The following UBAP2 variants were observed in gnomAD, a reference collection of about 807,000 sequenced individuals.
UBAP2 encodes ubiquitin associated protein 2.
In UBAP2, 75 loss-of-function variants were observed where a neutral mutation model predicts 139.6. The observed-to-expected ratio is 0.54, with a 90% CI of 0.45 to 0.65. The LOEUF (loss-of-function observed/expected upper bound fraction) is 0.65, where lower values mean the gene tolerates loss of function less well. Ranked by LOEUF, UBAP2 falls within the 30% of genes least tolerant of loss-of-function variation. UBAP2 has a pLI of 0.00. For missense variants in UBAP2, 1,368 were observed against 1,369.6 expected (o/e 1.00, Z 0.02); for synonymous variants, 526 against 526.2 (o/e 1.00, Z 0.01).
Position 33,992,556 on chromosome 9 carries a change from A to G in UBAP2, c.289-3430T>C, listed in dbSNP as rs536017583. Among the ~76,000 whole-genome samples, 6 of 149,546 alleles carry G rather than the reference A, an allele frequency of 4.0e-5. No individual in the cohort carries two copies. In the East Asian group the frequency reaches 9.9e-4, roughly 25 times the overall value. ...GCCTGGGTGACAGCGCAAGACTCCC[A>G]TCTCAAAAAAATAAAAATAAAAAAA... is the stretch of plus-strand genomic sequence containing the variant. On this transcript the variant is annotated intron_variant, in intron 4 of 28. Transcript: ENST00000379238.
At chr9:33,975,570 G>A (rs1482397447) in intron 6 of UBAP2, among the ~76,000 whole-genome samples, 9 of 150,730 alleles carry the variant, frequency 6.0e-5, no homozygotes, top group South Asian at 2.1e-4. Flanking sequence ...AGGCCGAGAC[G>A]GACGGATCAC....
intron 13 of UBAP2, among the ~76,000 whole-genome samples, chr9:33,947,587 C>T (rs1825742975): frequency 6.6e-6 from 1 of 151,968 alleles, no homozygotes; most frequent in Non-Finnish European, 1.5e-5. Flanking sequence ...TTTTGGAGGC[C>T]GAGGTGGGCA....
In UBAP2 at chr9:33,923,247, T is replaced by C. The variant is rs1159293148; in HGVS notation, c.2943A>G (p.Lys981=). 1 of 1,614,092 alleles carries C rather than the reference T, an allele frequency of 6.2e-7. No homozygotes were observed. Among genetic ancestry groups the C allele is most frequent in the East Asian group, 2.2e-5 (1 of 44,888 alleles). ...TQGTAAGDYS[K]GGYAGSSQAP... is the part of the protein sequence containing the mutation. ...CCTGCGATGATCCAGCATAGCCACC[T>C]TTGGAGTAGTCTCCTGCTGCTGTCC... Residue 981 remains lysine, a synonymous_variant, in exon 26 of 29, where the codon AAA becomes AAG. Coordinates refer to ENST00000379238, the MANE Select transcript of UBAP2 (RefSeq NM_001370062.2).
intron 5 of UBAP2, among the ~76,000 whole-genome samples, chr9:33,987,888 T>C (rs1372660827): frequency 6.6e-6 from 1 of 152,172 alleles, no homozygotes; most frequent in Non-Finnish European, 1.5e-5. Flanking sequence ...AGTTGGGTTT[T>C]TCTAGGATAC....
chr9:34,016,331 A>G (rs1824312461), intron 2 of UBAP2, among the ~76,000 whole-genome samples: 1 of 101,428 alleles, frequency 9.9e-6, no homozygotes, highest in African/African-American at 3.9e-5. Context: ...GAGGAAGAGG[A>G]GGAGGAGGAA....
chr9:34,009,806 C>CT (rs201452836), intron 2 of UBAP2, among the ~76,000 whole-genome samples: 12,710 of 129,782 alleles, frequency 0.098, 831 homozygotes, highest in Non-Finnish European at 0.14. Context: ...CTTATATTTC[C>CT]TTTTTTTTTT....
At chr9:34,020,921 C>T (rs1052149677) in intron 1 of UBAP2, among the ~76,000 whole-genome samples, 1 of 152,108 alleles carries the variant, frequency 6.6e-6, no homozygotes, top group African/African-American at 2.4e-5. Flanking sequence ...CTCGGCCTCC[C>T]AAAGTGGTGG....
intron 6 of UBAP2, among the ~76,000 whole-genome samples, chr9:33,979,211 A>C (rs967362047): frequency 6.6e-6 from 1 of 152,134 alleles, no homozygotes; most frequent in Non-Finnish European, 1.5e-5. Flanking sequence ...GTACTCCAGG[A>C]TGGGTAACAG....
At chr9:33,931,522 AG>A (rs1247679916) in intron 19 of UBAP2, among the ~76,000 whole-genome samples, 1 of 152,196 alleles carries the variant, frequency 6.6e-6, no homozygotes, top group Non-Finnish European at 1.5e-5. Context: ...TGCTGAGGTC[AG>A]CTCACCACTC....
At chr9:33,977,830 T>C (rs1428399699) in intron 6 of UBAP2, among the ~76,000 whole-genome samples, 2 of 151,436 alleles carry the variant, frequency 1.3e-5, no homozygotes, top group African/African-American at 4.8e-5. Flanking sequence ...GCCTGGATAA[T>C]TTTTTTGTAT....
At chr9:33,930,326 C>T (rs1369426471) in intron 19 of UBAP2, among the ~76,000 whole-genome samples, 3 of 151,332 alleles carry the variant, frequency 2.0e-5, no homozygotes, top group South Asian at 2.2e-4. Flanking sequence ...CTACATACAG[C>T]TATACACATG....
rs1411288165 is a variant in UBAP2, at chr9:33,921,707, T to TTTA, written c.*794_*796dup. 2 of 152,764 alleles carry TTTA rather than the reference T, an allele frequency of 1.3e-5. No individual in the cohort carries two copies. Among genetic ancestry groups the TTTA allele is most frequent in the East Asian group, 3.9e-4 (2 of 5,184 alleles). 9.5% of individuals were successfully genotyped at this position (152,764 alleles called of 1,614,324 possible). Reference sequence around the variant, plus strand: ...CAGAGACCATGCATGCTCTCAGAACTTTATTAGGTGGGGATTGGGCAAGAG... The same window carrying TTTA: ...CAGAGACCATGCATGCTCTCAGAACTTTATTATTAGGTGGGGATTGGGCAAGAG... On this transcript the variant is annotated 3_prime_UTR_variant, in exon 29 of 29. Transcript: ENST00000379238.
intron 2 of UBAP2, among the ~76,000 whole-genome samples, chr9:34,006,698 C>T (rs1823252383): frequency 6.6e-6 from 1 of 151,618 alleles, no homozygotes. Flanking sequence ...AAAAAGATAA[C>T]GTAAAGAAAA....
At chr9:34,048,054 G>T (rs1827766046) in intron 1 of UBAP2, among the ~76,000 whole-genome samples, 1 of 152,114 alleles carries the variant, frequency 6.6e-6, no homozygotes, top group Non-Finnish European at 1.5e-5. Flanking sequence ...CAGTTGAGAT[G>T]CGTGGGCAAC....
At chr9:34,026,072 T>C (rs918238479) in intron 1 of UBAP2, among the ~76,000 whole-genome samples, 1 of 152,168 alleles carries the variant, frequency 6.6e-6, no homozygotes, top group Non-Finnish European at 1.5e-5. Flanking sequence ...GGGTAAAAAC[T>C]TTTCTAAAAA....
At chr9:33,927,160 C>T (rs1823513130) in intron 20 of UBAP2, 80 bp from the exon 21 acceptor site, 2 of 1,114,022 alleles carry the variant, frequency 1.8e-6, no homozygotes, top group East Asian at 2.5e-5. Flanking sequence ...GGAGGAGGCA[C>T]AGTCACTGAG....
In UBAP2 at chr9:34,043,880, C is replaced by T. The variant is rs572911881; in HGVS notation, c.-42+4945G>A. Among the ~76,000 whole-genome samples the T allele has an allele frequency of 1.3e-4, 19 of 151,544 alleles. No homozygotes were observed. The East Asian group carries it at 3.3e-3, about 26-fold the overall frequency. On this transcript the variant is annotated intron_variant, in intron 1 of 28. Coordinates refer to ENST00000379238, the MANE Select transcript of UBAP2 (RefSeq NM_001370062.2). ...CAGTGGTCCACAACTGTAATCTCAG[C>T]ACTTTGGGAGGCCGAAGCAGGTGGA...
At chr9:33,956,188 A>G (rs754936572) in intron 10 of UBAP2, 42 bp from the exon 11 acceptor site, 1 of 1,467,510 alleles carries the variant, frequency 6.8e-7, no homozygotes, top group Non-Finnish European at 9.5e-7. Context: ...TCTACATACT[A>G]CTAAACCCAA....
intron 13 of UBAP2, 112 bp downstream of exon 13, chr9:33,948,262 T>A: frequency 1.1e-6 from 1 of 945,872 alleles, no homozygotes; most frequent in Non-Finnish European, 1.5e-6. Flanking sequence ...AGAGTTCTAC[T>A]AAAAAGAAAC....
Sources: gnomAD v4.1 joint callset for allele counts (sites outside exome capture counted in the v4.1 genomes callset) on GRCh38, gnomAD v4.1.1 for gene constraint, MANE v1.5 for transcripts, NCBI Gene and HGNC (gene_info 2026-07-23, HGNC 2026-07-21) for gene names.